The following PON1 variants were observed in gnomAD, a reference collection of about 807,000 sequenced individuals.
PON1 encodes the protein paraoxonase 1, also known as serum paraoxonase/arylesterase 1.
PON1 carries 37 observed loss-of-function variants against 39.2 expected under a neutral mutation model. The ratio of observed to expected loss-of-function variants is 0.94; its 90% confidence interval spans 0.73 to 1.24. The LOEUF is 1.24. Among genes scored for constraint, PON1 ranks in the 50% most tolerant of loss-of-function variants. The pLI is 0.00. For missense variants in PON1, 397 were observed against 413.5 expected (o/e 0.96, Z 0.35); for synonymous variants, 148 against 152.2 (o/e 0.97, Z 0.21).
intron 7 of PON1, among the ~76,000 whole-genome samples, chr7:95,305,598 G>T (rs768053380): frequency 2.0e-5 from 3 of 152,150 alleles, no homozygotes; most frequent in Non-Finnish European, 4.4e-5. Flanking sequence ...CAGGAAAGGC[G>T]AGGGAAAATA....
Position 95,298,876 on chromosome 7 carries a change from T to G in PON1, c.*68A>C, listed in dbSNP as rs1193463209. On this transcript the variant is annotated 3_prime_UTR_variant, in exon 9 of 9. Coordinates refer to ENST00000222381, the MANE Select transcript of PON1 (RefSeq NM_000446.7). ...TCATTGTTCAGCTAAGAACACTGGG[T>G]CCTCGGAATATGGCAAGCGGTTGAA... 4 of 1,580,192 alleles carry G rather than the reference T, an allele frequency of 2.5e-6. No individual in the cohort carries two copies. The African/African-American group carries it at 5.4e-5, about 21-fold the overall frequency.
At chr7:95,303,308 C>T (rs1807472323) in intron 7 of PON1, among the ~76,000 whole-genome samples, 1 of 151,928 alleles carries the variant, frequency 6.6e-6, no homozygotes, top group Non-Finnish European at 1.5e-5. Flanking sequence ...CATGCAGAGC[C>T]ATCAGTCTTT....
At chr7:95,324,319 T>G (rs529289115) in intron 1 of PON1, 83 bp downstream of exon 1, 1 of 1,322,052 alleles carries the variant, frequency 7.6e-7, no homozygotes, top group African/African-American at 1.4e-5. Flanking sequence ...GTTAACAGCC[T>G]GGACCCAACT....
chr7:95,302,110 A>AAAAAAAAAAAAAAAAAAAAAAAAAAAAAT, intron 8 of PON1, 95 bp downstream of exon 8: 1 of 836,278 alleles, frequency 1.2e-6, no homozygotes, highest in Non-Finnish European at 1.7e-6. Flanking sequence ...AAAAAAAAAA[A>AAAAAAAAAAAAAAAAAAAAAAAAAAAAAT]AAAAAAAAAA....
chr7:95,299,251 G>A, intron 8 of PON1, 149 bp from the exon 9 acceptor site: 1 of 852,034 alleles, frequency 1.2e-6, no homozygotes, highest in Non-Finnish European at 1.9e-6. Flanking sequence ...TAACACACCT[G>A]TTTCTTCATT....
At chr7:95,317,741 G>A (rs1317902858) in intron 2 of PON1, among the ~76,000 whole-genome samples, 2 of 152,028 alleles carry the variant, frequency 1.3e-5, no homozygotes, top group Admixed American at 6.6e-5. Flanking sequence ...TTCTCCTACC[G>A]TTTTATCTTT....
chr7:95,311,965 A>G (rs1807665113), intron 4 of PON1, among the ~76,000 whole-genome samples: 1 of 152,168 alleles, frequency 6.6e-6, no homozygotes, highest in Non-Finnish European at 1.5e-5. Flanking sequence ...GGTGTAATTT[A>G]CACAGTGTGA....
chr7:95,303,236 C>G (rs1195198144), intron 7 of PON1, among the ~76,000 whole-genome samples: 1 of 152,170 alleles, frequency 6.6e-6, no homozygotes, highest in African/African-American at 2.4e-5. Flanking sequence ...AGAGCTGTTC[C>G]TCACATGCCC....
In PON1 at chr7:95,306,338, G is replaced by C. The variant is rs758720006; in HGVS notation, c.727C>G (p.His243Asp). 6.2e-7 allele frequency: 1 copy of C among 1,612,726 alleles called. No homozygotes were observed. Among genetic ancestry groups the C allele is most frequent in the African/African-American group, 1.3e-5 (1 of 74,882 alleles). The change falls in exon 7 of 9, where the codon CAT becomes GAT. Residue 243 changes from histidine (H) to aspartate (D), a missense_variant. Physicochemically the swap from His to Asp is moderately conservative, Grantham distance 81. Coordinates refer to ENST00000222381, the MANE Select transcript of PON1 (RefSeq NM_000446.7). ...KYVYIAELLA[H>D]KIHVYEKHAN... is the part of the protein sequence containing the mutation. ...TGCTTTTCATACACATGAATCTTAT[G>C]AGCCAGCAACTCAGCTATATAGACA...
chr7:95,317,898 C>T (rs1807806103), intron 2 of PON1, among the ~76,000 whole-genome samples: 1 of 151,946 alleles, frequency 6.6e-6, no homozygotes, highest in Non-Finnish European at 1.5e-5. Context: ...ATTTTCCTGT[C>T]CAATATCAAA....
rs1807349935 is a variant in PON1, at chr7:95,298,852, C to T, written c.*92G>A. On this transcript the variant is annotated 3_prime_UTR_variant, in exon 9 of 9. Transcript: ENST00000222381. ...GATGTCCACATTTAGGGTCAGCATTCATTGTTCAGCTAAGAACACTGGGTC... is the reference window on the plus strand; with the variant it reads ...GATGTCCACATTTAGGGTCAGCATTTATTGTTCAGCTAAGAACACTGGGTC... The T allele has an allele frequency of 2.7e-6, 4 of 1,479,470 alleles. No individual in the cohort carries two copies. 91.6% of individuals were successfully genotyped at this position (1,479,470 alleles called of 1,614,324 possible).
At chr7:95,318,954 G>A (rs959126497) in intron 1 of PON1, among the ~76,000 whole-genome samples, 1 of 152,024 alleles carries the variant, frequency 6.6e-6, no homozygotes, top group Admixed American at 6.5e-5. Flanking sequence ...ACACAGGAGC[G>A]ACTTATTAGA....
intron 3 of PON1, among the ~76,000 whole-genome samples, chr7:95,315,693 C>T (rs1807753073): frequency 6.6e-6 from 1 of 152,132 alleles, no homozygotes; most frequent in Non-Finnish European, 1.5e-5. Context: ...CTAGGCCACC[C>T]CACACAAACC....
Position 95,299,022 on chromosome 7 carries a change from G to A in PON1, c.990C>T (p.Gly330=), listed in dbSNP as rs1301095397. The A allele has an allele frequency of 6.2e-7, 1 of 1,614,010 alleles. No individual in the cohort carries two copies. Among genetic ancestry groups the A allele is most frequent in the Admixed American group, 1.7e-5 (1 of 60,024 alleles). ...VYAENGTVLQ[G]STVASVYKGK... ...CTTTGTACACAGAGGCAACTGTACT[G>A]CCTTGCAACACTGTGCCATTTTCTG... The change falls in exon 9 of 9, where the codon GGC becomes GGT. Residue 330 remains glycine, a synonymous_variant. Transcript: ENST00000222381.
At chr7:95,324,344 G>A (rs910832554) in intron 1 of PON1, 58 bp downstream of exon 1, 8 of 1,541,008 alleles carry the variant, frequency 5.2e-6, no homozygotes, top group Admixed American at 5.0e-5. Context: ...GGGGGCTCGT[G>A]GAGCTGGCAG....
At chr7:95,305,692 G>C (rs1457560064) in intron 7 of PON1, among the ~76,000 whole-genome samples, 1 of 152,150 alleles carries the variant, frequency 6.6e-6, no homozygotes, top group East Asian at 1.9e-4. Context: ...AGGGGGTCAT[G>C]GAGATCTGGA....
At position 95,298,976 on chromosome 7, in the gene PON1, CTG is replaced by C. The variant is rs779104502; in HGVS notation, c.1034_1035del (p.Thr345SerfsTer9). The C allele has an allele frequency of 3.1e-6, 5 of 1,614,050 alleles. No homozygotes were observed. Among genetic ancestry groups the C allele is most frequent in the Admixed American group, 3.3e-5 (2 of 60,004 alleles). On this transcript the variant is annotated frameshift_variant, in exon 9 of 9. Transcript: ENST00000222381. LOFTEE classifies it high-confidence loss of function. Reference protein sequence around the residue: ...SVYKGKLLIGTVFHKALYCEL With the variant: ...SVYKGKLLIGXVFHKALYCEL ...TCACAGTAAAGAGCTTTGTGAAACA[CTG>C]TGCCAATCAGCAGTTTCCCTTTGTA...
Position 95,302,243 on chromosome 7 carries a change from T to C in PON1, c.871A>G (p.Ile291Val). 1 of 1,613,064 alleles carries C rather than the reference T, an allele frequency of 6.2e-7. No homozygotes were observed. Among genetic ancestry groups the C allele is most frequent in the Non-Finnish European group, 8.5e-7 (1 of 1,179,246 alleles). The change falls in exon 8 of 9, where the codon ATC (isoleucine) becomes GTC (valine). Residue 291 changes from isoleucine (I) to valine (V), a missense_variant. Transcript: ENST00000222381. ...WVGCHPNGMK[I>V]FFYDSENPPA... ...GGATTCTCTGAGTCATAGAAGAAGA[T>C]TTTCATGCCATTGGGATGGCATCCA... is the stretch of plus-strand genomic sequence containing the variant.
rs920725709 is a variant in PON1, at chr7:95,302,300, A to G, written c.814T>C (p.Ser272Pro). The G allele has an allele frequency of 1.2e-6, 2 of 1,607,954 alleles. No individual in the cohort carries two copies. The highest frequency in any genetic ancestry group is 8.5e-7 in the Non-Finnish European group (1 of 1,174,548). Reference protein sequence around the residue: ...LDFNTLVDNISVDPETGDLWV... With the variant: ...LDFNTLVDNIPVDPETGDLWV... ...AGGTCTCCTGTCTCAGGATCCACAG[A>G]TATGTTATCCACGAGGGTATTAAAG... Residue 272 changes from serine (S) to proline (P), a missense_variant, in exon 8 of 9, where the codon TCT becomes CCT. Coordinates refer to ENST00000222381, the MANE Select transcript of PON1 (RefSeq NM_000446.7).
Sources: gnomAD v4.1 joint callset for allele counts (sites outside exome capture counted in the v4.1 genomes callset) on GRCh38, gnomAD v4.1.1 for gene constraint, MANE v1.5 for transcripts, NCBI Gene and HGNC (gene_info 2026-07-23, HGNC 2026-07-21) for gene names.